SERPINB8: variants seen among roughly 807,000 people sequenced by gnomAD.
SERPINB8 encodes the protein serpin family B member 8.
SERPINB8 carries 25 observed loss-of-function variants against 35.3 expected under a neutral mutation model. The observed-to-expected ratio is 0.71, with a 90% confidence interval of 0.52 to 0.99. SERPINB8 has a LOEUF of 0.99. SERPINB8 is among the 50% of genes least tolerant of loss of function. The pLI is 0.00. For synonymous variants in SERPINB8, 186 were observed against 160.8 expected (o/e 1.16, Z -1.19); for missense variants, 484 against 446.5 (o/e 1.08, Z -0.76).
At chr18:63,978,711 A>G (rs569135967) in intron 2 of SERPINB8, among the ~76,000 whole-genome samples, 1 of 152,366 alleles carries the variant, frequency 6.6e-6, no homozygotes, top group East Asian at 1.9e-4. Context: ...TCTAGATCAG[A>G]TCATCAATAC....
downstream of SERPINB8, among the ~76,000 whole-genome samples, chr18:63,989,564 A>G (rs1383349298): frequency 6.6e-6 from 1 of 152,062 alleles, no homozygotes; most frequent in Non-Finnish European, 1.5e-5. Context: ...TCTCACCAAT[A>G]CTTGGTACTA....
chr18:64,016,256 A>C (rs2144853734), intron 7 of SERPINB8, among the ~76,000 whole-genome samples: 1 of 152,300 alleles, frequency 6.6e-6, no homozygotes, highest in South Asian at 2.1e-4. Context: ...TGCAGAAAGA[A>C]AGCTTTCTAG....
chr18:63,972,865 C>T lies in SERPINB8; in HGVS notation c.-11+2695C>T, dbSNP rs1051949135. On this transcript the variant is annotated intron_variant, in intron 1 of 6. Coordinates refer to ENST00000397985, the MANE Select transcript of SERPINB8 (RefSeq NM_002640.4). ...ATAGTATTCCATGGTGTATATATGC[C>T]ACATTTTCTTAATCCAGTCTATCAT... 2.6e-5 allele frequency among the ~76,000 whole-genome samples: 4 copies of T among 151,808 alleles called. No homozygotes were observed. The South Asian group carries it at 6.2e-4, about 24-fold the overall frequency.
At chr18:63,991,419 A>C (rs537586892), downstream of SERPINB8, among the ~76,000 whole-genome samples, 1 of 151,574 alleles carries the variant, frequency 6.6e-6, no homozygotes, top group South Asian at 2.1e-4. Context: ...TCAGTATACA[A>C]GTCTGGCACA....
chr18:63,987,976 A>G lies in SERPINB8; in HGVS notation c.*698A>G, dbSNP rs2050788108. 6.6e-6 allele frequency: 1 copy of G among 152,212 alleles called. No homozygotes were observed. Among genetic ancestry groups the G allele is most frequent in the Admixed American group, 6.5e-5 (1 of 15,282 alleles). The allele number at this position is 152,212 out of a possible 1,614,324, so 9.4% of individuals were successfully genotyped here. The stretch of plus-strand genomic sequence containing the variant: ...ACCAAAGGAACTTACGCAACACACC[A>G]CTGAGTCCTCTAACTAATCATATGT... On this transcript the variant is annotated 3_prime_UTR_variant, in exon 7 of 7. Transcript: ENST00000397985.
chr18:64,008,311 C>T (rs987511770), downstream of SERPINB8, among the ~76,000 whole-genome samples: 3 of 152,126 alleles, frequency 2.0e-5, no homozygotes, highest in Admixed American at 1.3e-4. Context: ...GGCATGATCT[C>T]GGCTCACTGC....
chr18:63,978,045 C>T (rs958246976), intron 1 of SERPINB8, among the ~76,000 whole-genome samples: 7 of 152,138 alleles, frequency 4.6e-5, no homozygotes, highest in Admixed American at 1.3e-4. Context: ...TAAGGACGCT[C>T]GTGATTCCAT....
exon 8 of SERPINB8, chr18:64,019,482 A>G (rs1334842809): frequency 2.0e-5 from 3 of 152,160 alleles, no homozygotes; most frequent in African/African-American, 7.2e-5. Context: ...GCCAGAACCA[A>G]TCACAGAAAT....
At chr18:63,996,329 CA>C (rs1362034996) in intron 1 of SERPINB8, among the ~76,000 whole-genome samples, 1 of 152,204 alleles carries the variant, frequency 6.6e-6, no homozygotes, top group African/African-American at 2.4e-5. Context: ...CTGTCTATTA[CA>C]GGTGGCTCAA....
At chr18:63,981,572 A>G in intron 3 of SERPINB8, 149 bp from the exon 4 acceptor site, 1 of 624,790 alleles carries the variant, frequency 1.6e-6, no homozygotes, top group Non-Finnish European at 2.9e-6. Context: ...TGGCCCATAC[A>G]TTTTTGTTAA....
chr18:63,976,744 G>A (rs2050587926), intron 1 of SERPINB8, among the ~76,000 whole-genome samples: 1 of 152,132 alleles, frequency 6.6e-6, no homozygotes, highest in African/African-American at 2.4e-5. Context: ...TTAGCCAGGA[G>A]GATCCAAAAA....
chr18:63,970,920 C>T (rs904153423), intron 1 of SERPINB8, among the ~76,000 whole-genome samples: 1 of 152,178 alleles, frequency 6.6e-6, no homozygotes, highest in African/African-American at 2.4e-5. Context: ...GTTGCAGCCA[C>T]CGGCGTTACT....
intron 7 of SERPINB8, among the ~76,000 whole-genome samples, chr18:64,012,957 C>T (rs1296896704): frequency 1.3e-5 from 2 of 152,176 alleles, no homozygotes; most frequent in African/African-American, 2.4e-5. Flanking sequence ...ACTTCCACTC[C>T]CCTTCCTCTG....
chr18:63,971,042 G>A (rs752490938), intron 1 of SERPINB8, among the ~76,000 whole-genome samples: 11 of 152,020 alleles, frequency 7.2e-5, no homozygotes, highest in South Asian at 4.1e-4. Flanking sequence ...GGCCCCTCCC[G>A]CTTCCCTGCC....
At chr18:63,986,601 T>A in intron 6 of SERPINB8, 1 of 1,310,286 alleles carries the variant, frequency 7.6e-7, no homozygotes, top group Non-Finnish European at 9.7e-7. Context: ...GTTTTTAACA[T>A]TTGAAAGGAG....
chr18:64,006,929 G>GT (rs1331459715), downstream of SERPINB8, among the ~76,000 whole-genome samples: 3 of 151,924 alleles, frequency 2.0e-5, no homozygotes. Context: ...TTAGAAATGT[G>GT]TAAGTAGAAT....
Position 63,987,338 on chromosome 18 carries a change from T to G in SERPINB8, c.*60T>G. 5 of 1,509,812 alleles carry G rather than the reference T, an allele frequency of 3.3e-6. No homozygotes were observed. The highest frequency in any genetic ancestry group is 4.5e-6 in the Non-Finnish European group (5 of 1,112,498). The allele number at this position is 1,509,812 out of a possible 1,614,324, so 93.5% of individuals were successfully genotyped here. ...TCTACCTATCTTGCCTTAATTAACA[T>G]TCCCTGTGACCTAGTTGGTGCAGTG... On this transcript the variant is annotated 3_prime_UTR_variant, in exon 7 of 7. Coordinates refer to ENST00000397985, the MANE Select transcript of SERPINB8 (RefSeq NM_002640.4).
chr18:63,979,018 G>A (rs1400346987), intron 2 of SERPINB8, among the ~76,000 whole-genome samples: 2 of 152,166 alleles, frequency 1.3e-5, no homozygotes, highest in African/African-American at 2.4e-5. Context: ...CGAGGTGTGG[G>A]ATAATGCTTT....
At chr18:63,989,775 C>G (rs2050811833), downstream of SERPINB8, among the ~76,000 whole-genome samples, 1 of 151,490 alleles carries the variant, frequency 6.6e-6, no homozygotes, top group Non-Finnish European at 1.5e-5. Context: ...AACCCCGTCT[C>G]TACTAAAAAT....
Sources: allele counts gnomAD v4.1 joint callset (sites outside exome capture counted in the v4.1 genomes callset), GRCh38; gene constraint gnomAD v4.1.1; transcripts MANE v1.5; gene names NCBI Gene and HGNC (gene_info 2026-07-23, HGNC 2026-07-21).